Variants in NCALD observed in about 807,000 individuals in gnomAD.
The protein encoded by NCALD is neurocalcin-delta.
In NCALD, 10 loss-of-function variants were observed where a neutral mutation model predicts 18.6. The observed-to-expected ratio is 0.54, with a 90% CI of 0.33 to 0.91. NCALD has a LOEUF of 0.91. Among genes scored for constraint, NCALD ranks in the 40% least tolerant of loss-of-function variants. The probability of loss-of-function intolerance (pLI) is 0.03; values close to 1 mark genes in which losing one functional copy is unlikely to be tolerated. For missense variants in NCALD, 184 were observed against 247.6 expected, an observed-to-expected ratio of 0.74 and a Z score of 1.72; for synonymous variants, 88 against 87.4, an observed-to-expected ratio of 1.01 and a Z score of -0.04.
chr8:101,720,880 T>C (rs1237885587), intron 1 of NCALD, among the ~76,000 whole-genome samples: 1 of 152,210 alleles, frequency 6.6e-6, no homozygotes, highest in African/African-American at 2.4e-5. Context: ...CAGAATAAGA[T>C]GTGGCCCCTT....
At chr8:102,029,848 A>G (rs1173904750) in intron 1 of NCALD, among the ~76,000 whole-genome samples, 1 of 152,202 alleles carries the variant, frequency 6.6e-6, no homozygotes, top group African/African-American at 2.4e-5. Flanking sequence ...AGAAGCCTGA[A>G]GCACTCTCAC....
At chr8:101,746,716 TTAATTA>T (rs1810439522) in intron 1 of NCALD, among the ~76,000 whole-genome samples, 2 of 151,426 alleles carry the variant, frequency 1.3e-5, no homozygotes, top group South Asian at 4.1e-4. Context: ...AAATTTTATA[TTAATTA>T]TAATTATATA....
chr8:102,021,599 G>A (rs1196448574), intron 1 of NCALD, among the ~76,000 whole-genome samples: 1 of 152,152 alleles, frequency 6.6e-6, no homozygotes, highest in Non-Finnish European at 1.5e-5. Flanking sequence ...GGGTCAATCA[G>A]CCCATAGGCC....
intron 3 of NCALD, among the ~76,000 whole-genome samples, chr8:101,908,633 A>G (rs528130469): frequency 6.6e-6 from 1 of 152,240 alleles, no homozygotes; most frequent in East Asian, 1.9e-4. Context: ...CAATAATTCT[A>G]CCAAATATTA....
intron 2 of NCALD, among the ~76,000 whole-genome samples, chr8:101,959,238 C>T (rs373786829): frequency 6.6e-6 from 1 of 151,842 alleles, no homozygotes; most frequent in East Asian, 1.9e-4. Context: ...TTTTTAATGG[C>T]CCTCAATTTG....
chr8:102,034,516 A>G (rs1185146591), intron 1 of NCALD, among the ~76,000 whole-genome samples: 2 of 152,214 alleles, frequency 1.3e-5, no homozygotes, highest in African/African-American at 2.4e-5. Context: ...ATTCATATTC[A>G]TCCTTATACC....
chr8:101,689,243 AT>A lies in NCALD; in HGVS notation c.*65del. 4 of 1,459,686 alleles carry A rather than the reference AT, an allele frequency of 2.7e-6. No homozygotes were observed. The highest frequency in any genetic ancestry group is 2.0e-5 in the Admixed American group (1 of 48,818). 90.4% of individuals were successfully genotyped at this position (1,459,686 alleles called of 1,614,324 possible). A position where few individuals can be genotyped will look rare whatever the true frequency, so the allele number is the denominator to read the frequency against. On this transcript the variant is annotated 3_prime_UTR_variant, in exon 4 of 4. Coordinates refer to ENST00000220931, the MANE Select transcript of NCALD (RefSeq NM_032041.3). The surrounding 1 kb of genome is among the most constrained non-coding windows in gnomAD (Gnocchi z 4.4). ...TATTGTTTGGCAAAAAAAAAAAAAA[AT>A]TGTTAAAAAGAAGAATCAAAAGGGA... is the stretch of plus-strand genomic sequence containing the variant.
intron 3 of NCALD, among the ~76,000 whole-genome samples, chr8:101,905,473 A>G (rs894061104): frequency 6.6e-6 from 1 of 152,158 alleles, no homozygotes; most frequent in African/African-American, 2.4e-5. Context: ...CCTAACCAAC[A>G]TTCTCTCAGA....
intron 4 of NCALD, among the ~76,000 whole-genome samples, chr8:101,804,184 C>T (rs1348603593): frequency 3.3e-5 from 5 of 150,602 alleles, no homozygotes; most frequent in African/African-American, 1.2e-4. Context: ...GCATTATTAG[C>T]ATTTTTAGAA....
intron 1 of NCALD, among the ~76,000 whole-genome samples, chr8:102,035,890 GTTACTTATATCACAAAA>G (rs1203792443): frequency 6.6e-6 from 1 of 152,050 alleles, no homozygotes; most frequent in African/African-American, 2.4e-5. Context: ...AACTGCATAT[GTTACTTATATCACAAAA>G]TTATATTGTC....
intron 1 of NCALD, among the ~76,000 whole-genome samples, chr8:102,115,651 G>A (rs1203758128): frequency 1.3e-5 from 2 of 152,178 alleles, no homozygotes; most frequent in African/African-American, 2.4e-5. Flanking sequence ...AATAAAAGAC[G>A]TGCGGATGGG....
Position 101,898,921 on chromosome 8 carries a change from T to C in NCALD, c.-106-11694A>G, listed in dbSNP as rs1055860679. Among the ~76,000 whole-genome samples, 7 of 152,246 alleles carry C rather than the reference T, an allele frequency of 4.6e-5. No individual in the cohort carries two copies. The East Asian group carries it at 7.7e-4, about 17-fold the overall frequency. ...CTTATATATGTCTCCAAAATTCTTG[T>C]TGGAATTTTTATAAGAATTTCATTA... On this transcript the variant is annotated intron_variant, in intron 3 of 6. Transcript: ENST00000311028.
chr8:102,028,634 A>G (rs1427595074), intron 1 of NCALD, among the ~76,000 whole-genome samples: 2 of 152,142 alleles, frequency 1.3e-5, no homozygotes, highest in Non-Finnish European at 2.9e-5. Context: ...TTTCCTGATG[A>G]CCCAGGCAAA....
At chr8:101,874,247 C>T (rs1300851543) in intron 4 of NCALD, among the ~76,000 whole-genome samples, 2 of 152,130 alleles carry the variant, frequency 1.3e-5, no homozygotes, top group African/African-American at 2.4e-5. Flanking sequence ...GAGCTGATAG[C>T]TGTATCTAGA....
intron 1 of NCALD, among the ~76,000 whole-genome samples, chr8:102,108,877 C>T (rs1825558018): frequency 6.6e-6 from 1 of 152,128 alleles, no homozygotes; most frequent in African/African-American, 2.4e-5. Flanking sequence ...AGAAGGACGA[C>T]CAGAAAAACA....
chr8:101,950,710 C>T (rs1819381253), intron 2 of NCALD, among the ~76,000 whole-genome samples: 1 of 152,176 alleles, frequency 6.6e-6, no homozygotes, highest in Admixed American at 6.5e-5. Flanking sequence ...GAAGGTCTGA[C>T]ACTGCACTAG....
chr8:101,695,431 G>C (rs566263362), intron 2 of NCALD, among the ~76,000 whole-genome samples: 1 of 152,234 alleles, frequency 6.6e-6, no homozygotes, highest in Admixed American at 6.5e-5. Context: ...GCCATAGGAG[G>C]TGTCTCCCAG....
chr8:102,089,116 C>T (rs562785085), intron 1 of NCALD, among the ~76,000 whole-genome samples: 5 of 152,268 alleles, frequency 3.3e-5, no homozygotes, highest in East Asian at 1.9e-4. Flanking sequence ...GCAAATAGGC[C>T]GGGTGCAGTG....
rs1051713929 is a variant in NCALD, at chr8:101,688,339, G to T, written c.*970C>A. On this transcript the variant is annotated 3_prime_UTR_variant, in exon 4 of 4. Transcript: ENST00000220931. Reference sequence around the variant, plus strand: ...AAAATTAAAGTTGGGCCCTAGTCAGGGTTACTTTGTATTTTTATGGAATAT... The same window carrying T: ...AAAATTAAAGTTGGGCCCTAGTCAGTGTTACTTTGTATTTTTATGGAATAT... 5 of 216,368 alleles carry T rather than the reference G, an allele frequency of 2.3e-5. No individual in the cohort carries two copies. The highest frequency in any genetic ancestry group is 1.2e-4 in the East Asian group (1 of 8,548). The allele number at this position is 216,368 out of a possible 1,614,324, so 13.4% of individuals were successfully genotyped here. A position where few individuals can be genotyped will look rare whatever the true frequency, so the allele number is the denominator to read the frequency against.
Sources: allele counts gnomAD v4.1 joint callset (sites outside exome capture counted in the v4.1 genomes callset), GRCh38; gene constraint gnomAD v4.1.1; non-coding constraint Gnocchi (gnomAD v3.1); transcripts MANE v1.5; gene names NCBI Gene and HGNC (gene_info 2026-07-23, HGNC 2026-07-21).